The following ST6GALNAC2 variants were observed in gnomAD, a reference collection of about 807,000 sequenced individuals.
The protein encoded by ST6GALNAC2 is alpha-N-acetylgalactosaminide alpha-2,6-sialyltransferase 2.
Under a neutral mutation model 38.7 loss-of-function variants are expected in ST6GALNAC2, and 42 were observed. The ratio of observed to expected loss-of-function variants is 1.09; its 90% CI spans 0.85 to 1.40. ST6GALNAC2 has a LOEUF of 1.40. Ranked by LOEUF, ST6GALNAC2 falls within the 40% of genes most tolerant of loss-of-function variation. ST6GALNAC2 has a pLI of 0.00. For missense variants in ST6GALNAC2, 506 were observed against 481.7 expected (o/e 1.05, Z -0.47); for synonymous variants, 233 against 209.0 (o/e 1.11, Z -0.99).
chr17:76,568,738 C>T lies in ST6GALNAC2; in HGVS notation c.832G>A (p.Asp278Asn). 1 of 1,613,618 alleles carries T rather than the reference C, an allele frequency of 6.2e-7. No homozygotes were observed. The highest frequency in any genetic ancestry group is 1.1e-5 in the South Asian group (1 of 91,074). The change falls in exon 7 of 9, where the codon GAC becomes AAC. Residue 278 changes from aspartate (D) to asparagine (N), a missense_variant. By Grantham distance (23) the Asp-to-Asn change is conservative. Transcript: ENST00000225276. Reference sequence around the variant, plus strand: ...CTTTCTGTCAGGTAGCTGATGAAGTCCGGATGTAGCAGCTTGAATTTACTG... The same window carrying T: ...CTTTCTGTCAGGTAGCTGATGAAGTTCGGATGTAGCAGCTTGAATTTACTG... ...SASKFKLLHP[D>N]FISYLTERFL...
chr17:76,570,778 C>T, intron 5 of ST6GALNAC2, 110 bp from the exon 6 acceptor site: 1 of 779,252 alleles, frequency 1.3e-6, no homozygotes, highest in African/African-American at 1.7e-5. Flanking sequence ...GAGAATTTCC[C>T]TTAAATACCT....
At chr17:76,583,144 G>A (rs1346569457) in intron 1 of ST6GALNAC2, among the ~76,000 whole-genome samples, 2 of 152,108 alleles carry the variant, frequency 1.3e-5, no homozygotes, top group Non-Finnish European at 1.5e-5. Context: ...GGGAGGCCCA[G>A]GTGGACGGAT....
chr17:76,580,639 G>A (rs11653476), intron 1 of ST6GALNAC2, among the ~76,000 whole-genome samples: 31,075 of 151,474 alleles, frequency 0.21, 3,196 homozygotes, highest in Middle Eastern at 0.24. Context: ...AGAATGGCGT[G>A]AACCTGGGAG....
rs1406438514 is a variant in ST6GALNAC2, at chr17:76,574,544, G to T, written c.187-5C>A. ...CAGGTGTCGGCAGGCCTGGCCCTGTGGGTGAGAAGGTGAGGGCTGAGCCCC... is the reference window on the plus strand; with the variant it reads ...CAGGTGTCGGCAGGCCTGGCCCTGTTGGTGAGAAGGTGAGGGCTGAGCCCC... On this transcript the variant is annotated splice_polypyrimidine_tract_variant and splice_region_variant and intron_variant, in intron 2 of 8. Coordinates refer to ENST00000225276, the MANE Select transcript of ST6GALNAC2 (RefSeq NM_006456.3). 6.2e-7 allele frequency: 1 copy of T among 1,610,442 alleles called. No homozygotes were observed. Among genetic ancestry groups the T allele is most frequent in the Admixed American group, 1.7e-5 (1 of 59,796 alleles).
At chr17:76,570,418 G>A in intron 6 of ST6GALNAC2, 147 bp downstream of exon 6, 1 of 614,800 alleles carries the variant, frequency 1.6e-6, no homozygotes, top group South Asian at 1.9e-5. Context: ...GTGAATAATT[G>A]GGGATGATTG....
At chr17:76,584,536 G>A (rs1007531082) in intron 1 of ST6GALNAC2, among the ~76,000 whole-genome samples, 2 of 152,196 alleles carry the variant, frequency 1.3e-5, no homozygotes, top group Non-Finnish European at 2.9e-5. Context: ...CTGGAATGCA[G>A]TAGTGCAATC....
chr17:76,584,095 G>A (rs2075514203), intron 1 of ST6GALNAC2, among the ~76,000 whole-genome samples: 2 of 151,852 alleles, frequency 1.3e-5, no homozygotes, highest in Admixed American at 1.3e-4. Flanking sequence ...TGAGACTACA[G>A]GCGTGAGCCA....
At chr17:76,583,598 A>G (rs1301942247) in intron 1 of ST6GALNAC2, among the ~76,000 whole-genome samples, 1 of 84,080 alleles carries the variant, frequency 1.2e-5, no homozygotes, top group African/African-American at 3.9e-5. Flanking sequence ...CATTTGGTGA[A>G]GGCCTTTTTT....
chr17:76,577,326 C>T (rs936076618), intron 2 of ST6GALNAC2, among the ~76,000 whole-genome samples: 3 of 151,938 alleles, frequency 2.0e-5, no homozygotes, highest in Non-Finnish European at 4.4e-5. Context: ...CCTCGGCCTC[C>T]CAAAAGTGCT....
At chr17:76,579,171 G>A (rs1474409365) in intron 1 of ST6GALNAC2, among the ~76,000 whole-genome samples, 2 of 152,224 alleles carry the variant, frequency 1.3e-5, no homozygotes, top group African/African-American at 4.8e-5. Context: ...TGCCCACCTT[G>A]GCCTTCCAAA....
At chr17:76,574,966 G>A (rs1030683848) in intron 2 of ST6GALNAC2, among the ~76,000 whole-genome samples, 3 of 152,026 alleles carry the variant, frequency 2.0e-5, no homozygotes, top group Non-Finnish European at 4.4e-5. Context: ...GTGAGCCACC[G>A]CGCCTGGCCC....
chr17:76,568,932 G>A lies in ST6GALNAC2; in HGVS notation c.774-136C>T, dbSNP rs1013435880. The stretch of plus-strand genomic sequence containing the variant: ...AGCGGGGCTGGGAGTAGTAGCGGGA[G>A]AAGGGGGTGTAGAAGGTGGCAGGCA... On this transcript the variant is annotated intron_variant, in intron 6 of 8. Coordinates refer to ENST00000225276, the MANE Select transcript of ST6GALNAC2 (RefSeq NM_006456.3). The A allele has an allele frequency of 8.0e-6, 6 of 749,004 alleles. No homozygotes were observed. The African/African-American group carries it at 1.1e-4, about 13-fold the overall frequency. The allele number at this position is 749,004 out of a possible 1,614,324, so 46.4% of individuals were successfully genotyped here. A position where few individuals can be genotyped will look rare whatever the true frequency, so the allele number is the denominator to read the frequency against.
chr17:76,576,764 G>A (rs2075420264), intron 2 of ST6GALNAC2, among the ~76,000 whole-genome samples: 1 of 151,968 alleles, frequency 6.6e-6, no homozygotes, highest in Non-Finnish European at 1.5e-5. Flanking sequence ...TAAGTTCAGG[G>A]GTTTGAGACC....
chr17:76,573,105 T>TGCTGCCATAGCCC lies in ST6GALNAC2; in HGVS notation c.530+77_530+89dup. On this transcript the variant is annotated intron_variant, in intron 4 of 8. Coordinates refer to ENST00000225276, the MANE Select transcript of ST6GALNAC2 (RefSeq NM_006456.3). The surrounding 1 kb of genome is among the most constrained non-coding windows in gnomAD (Gnocchi z 5.1). ...ACAACTGCTGAGCCGCCCAGGCCAC[T>TGCTGCCATAGCCC]GCTGCCATAGCCCACTGCCCCTGGG... The TGCTGCCATAGCCC allele has an allele frequency of 7.1e-7, 1 of 1,405,962 alleles. No individual in the cohort carries two copies. The highest frequency in any genetic ancestry group is 9.6e-7 in the Non-Finnish European group (1 of 1,040,708). The allele number at this position is 1,405,962 out of a possible 1,614,324, so 87.1% of individuals were successfully genotyped here.
Position 76,573,118 on chromosome 17 carries a change from C to T in ST6GALNAC2, c.530+77G>A. The T allele has an allele frequency of 1.4e-6, 2 of 1,461,556 alleles. No homozygotes were observed. The highest frequency in any genetic ancestry group is 4.7e-5 in the East Asian group (2 of 42,988). 90.5% of individuals were successfully genotyped at this position (1,461,556 alleles called of 1,614,324 possible). On this transcript the variant is annotated intron_variant, in intron 4 of 8. Transcript: ENST00000225276. This position sits in a 1 kb window ranked among gnomAD's most constrained non-coding sequence, Gnocchi z 5.1. ...CGCCCAGGCCACTGCTGCCATAGCCCACTGCCCCTGGGGGAGACACCCCCA... is the reference window on the plus strand; with the variant it reads ...CGCCCAGGCCACTGCTGCCATAGCCTACTGCCCCTGGGGGAGACACCCCCA...
Position 76,573,203 on chromosome 17 carries a change from A to G in ST6GALNAC2, c.522T>C (p.Tyr174=), listed in dbSNP as rs777897138. 4 of 1,611,626 alleles carry G rather than the reference A, an allele frequency of 2.5e-6. No homozygotes were observed. The East Asian group carries it at 8.9e-5, about 36-fold the overall frequency. Residue 174 remains tyrosine (Y), a synonymous_variant, in exon 4 of 9, where the codon TAT becomes TAC. Coordinates refer to ENST00000225276, the MANE Select transcript of ST6GALNAC2 (RefSeq NM_006456.3). The surrounding 1 kb of genome is among the most constrained non-coding windows in gnomAD (Gnocchi z 5.1). ...GCTCCTACCCCTCATACCTGAATACATAGTCATGGGCATCGATGTTGGGAC... is the reference window on the plus strand; with the variant it reads ...GCTCCTACCCCTCATACCTGAATACGTAGTCATGGGCATCGATGTTGGGAC... ...RQGPNIDAHD[Y]VFRLNGAVIK... is the part of the protein sequence containing the mutation.
rs73369133 is a variant in ST6GALNAC2, at chr17:76,567,999, G to A, written c.858-447C>T. ...CTGCCCTCAGGCCTGAGTTCACATC[G>A]AGCTGTGCCAGGCCGATCACCTGAC... is the stretch of plus-strand genomic sequence containing the variant. On this transcript the variant is annotated intron_variant, in intron 7 of 8. Coordinates refer to ENST00000225276, the MANE Select transcript of ST6GALNAC2 (RefSeq NM_006456.3). 448 of 179,802 alleles carry A rather than the reference G, an allele frequency of 2.5e-3. 3 individuals are homozygous for A. Among genetic ancestry groups the A allele is most frequent in the African/African-American group, 0.01 (429 of 42,232 alleles). 11.1% of individuals were successfully genotyped at this position (179,802 alleles called of 1,614,324 possible).
intron 1 of ST6GALNAC2, among the ~76,000 whole-genome samples, chr17:76,583,172 G>A (rs967818525): frequency 1.3e-5 from 2 of 152,098 alleles, no homozygotes; most frequent in South Asian, 2.1e-4. Context: ...TCAGGAGATC[G>A]AGACCATCCT....
In ST6GALNAC2 at chr17:76,585,749, C is replaced by T. The variant is rs779334525; in HGVS notation, c.60G>A (p.Ser20=). 5 of 1,549,816 alleles carry T rather than the reference C, an allele frequency of 3.2e-6. No homozygotes were observed. In the South Asian group the frequency reaches 3.6e-5, roughly 11 times the overall value. ...WLLLLLTAAC[S]GLLFALYFSA... The stretch of plus-strand genomic sequence containing the variant: ...AGAAGTACAGGGCAAAGAGGAGCCC[C>T]GAGCAGGCAGCCGTGAGCAGGAGCA... Residue 20 remains serine (S), a synonymous_variant, in exon 1 of 9, where the codon TCG becomes TCA. Transcript: ENST00000225276.
Sources: allele counts gnomAD v4.1 joint callset (sites outside exome capture counted in the v4.1 genomes callset), GRCh38; gene constraint gnomAD v4.1.1; non-coding constraint Gnocchi (gnomAD v3.1); transcripts MANE v1.5; gene names NCBI Gene and HGNC (gene_info 2026-07-23, HGNC 2026-07-21).